PDE10A: variants seen among roughly 807,000 people sequenced by gnomAD.
PDE10A encodes the protein phosphodiesterase 10A.
Under a neutral mutation model 97.7 loss-of-function variants are expected in PDE10A, and 39 were observed. The ratio of observed to expected loss-of-function variants is 0.40; its 90% CI spans 0.31 to 0.52. The LOEUF (loss-of-function observed/expected upper bound fraction) is 0.52, where lower values mean the gene tolerates loss of function less well. Ranked by LOEUF, PDE10A falls within the 20% of genes least tolerant of loss-of-function variation. PDE10A has a pLI of 0.56. For synonymous variants in PDE10A, 371 were observed against 376.8 expected (o/e 0.98, Z 0.18); for missense variants, 731 against 1,047.8 (o/e 0.70, Z 4.17).
intron 1 of PDE10A, among the ~76,000 whole-genome samples, chr6:165,604,559 T>A (rs1787120213): frequency 6.7e-6 from 1 of 150,230 alleles, no homozygotes; most frequent in South Asian, 2.1e-4. Context: ...GTCAAAAGCA[T>A]GCAGAGATAG....
chr6:165,875,542 C>A (rs187436138), intron 1 of PDE10A, among the ~76,000 whole-genome samples: 1 of 152,258 alleles, frequency 6.6e-6, no homozygotes, highest in Admixed American at 6.5e-5. Context: ...TAACACAAGA[C>A]AAAACCATTG....
chr6:165,653,517 G>C (rs546686713), intron 1 of PDE10A, among the ~76,000 whole-genome samples: 1 of 152,320 alleles, frequency 6.6e-6, no homozygotes, highest in East Asian at 1.9e-4. Context: ...TGAGGAAGTG[G>C]AGAGAGACAG....
chr6:165,379,247 C>T lies in PDE10A; in HGVS notation c.2730G>A (p.Gln910=), dbSNP rs774374060. The change falls in exon 18 of 22, where the codon CAG becomes CAA. Residue 910 remains glutamine, a synonymous_variant. Transcript: ENST00000539869. ...ATCCGGTCTGGTACATCTCTTCCAACTGCTTCCTGTTTCCAAAGTATAAAG... is the reference window on the plus strand; with the variant it reads ...ATCCGGTCTGGTACATCTCTTCCAATTGCTTCCTGTTTCCAAAGTATAAAG... ...DLALYFGNRK[Q]LEEMYQTGSL... The T allele has an allele frequency of 1.2e-5, 19 of 1,613,754 alleles. 1 individual carries two copies. Among genetic ancestry groups the T allele is most frequent in the South Asian group, 9.9e-5 (9 of 91,056 alleles).
At chr6:165,715,495 G>C (rs73028197) in intron 1 of PDE10A, among the ~76,000 whole-genome samples, 1 of 152,024 alleles carries the variant, frequency 6.6e-6, no homozygotes, top group Non-Finnish European at 1.5e-5. Context: ...TTGGGTCGGC[G>C]AAAAGACCAC....
intron 1 of PDE10A, among the ~76,000 whole-genome samples, chr6:165,592,583 A>T (rs1467914082): frequency 6.6e-6 from 1 of 152,254 alleles, no homozygotes; most frequent in Non-Finnish European, 1.5e-5. Context: ...AGAATCTACA[A>T]GGAATTTAAA....
At chr6:165,640,866 T>C (rs368876439) in intron 1 of PDE10A, among the ~76,000 whole-genome samples, 90 of 152,396 alleles carry the variant, frequency 5.9e-4, no homozygotes, top group African/African-American at 2.1e-3. Context: ...TAATTTTGCA[T>C]TGGCTGTTAC....
intron 12 of PDE10A, 106 bp from the exon 13 acceptor site, chr6:165,413,793 C>A: frequency 1.2e-6 from 1 of 810,418 alleles, no homozygotes; most frequent in Non-Finnish European, 2.0e-6. Flanking sequence ...TTTACATATG[C>A]TTCTATTGCA....
intron 19 of PDE10A, among the ~76,000 whole-genome samples, chr6:165,340,607 A>G (rs1781914649): frequency 6.6e-6 from 1 of 152,244 alleles, no homozygotes; most frequent in Admixed American, 6.5e-5. Flanking sequence ...TTTTTAAACA[A>G]ACGATGATTT....
intron 1 of PDE10A, among the ~76,000 whole-genome samples, chr6:165,841,690 C>A (rs1780266073): frequency 6.6e-6 from 1 of 152,160 alleles, no homozygotes; most frequent in African/African-American, 2.4e-5. Flanking sequence ...GGAAAAAGAC[C>A]CCATGGGGGA....
chr6:165,657,968 C>G (rs1790049457), intron 1 of PDE10A, among the ~76,000 whole-genome samples: 1 of 152,094 alleles, frequency 6.6e-6, no homozygotes, highest in Non-Finnish European at 1.5e-5. Flanking sequence ...TTTGGGGTAC[C>G]TGTTATCATT....
rs1395811831 is a variant in PDE10A, at chr6:165,655,135, G to A, written c.865+6812C>T. Among the ~76,000 whole-genome samples, 1 of 152,144 alleles carries A rather than the reference G, an allele frequency of 6.6e-6. No homozygotes were observed. Among genetic ancestry groups the A allele is most frequent in the Non-Finnish European group, 1.5e-5 (1 of 68,028 alleles). ...AGGCACTTACATTGCACCCAGCTAT[G>A]GTTGATTAACCAACTCCGTCTGTAT... On this transcript the variant is annotated intron_variant, in intron 1 of 21. Coordinates refer to ENST00000539869, the MANE Select transcript of PDE10A (RefSeq NM_001385079.1). This position sits in a 1 kb window ranked among gnomAD's most constrained non-coding sequence, Gnocchi z 4.5.
chr6:165,839,976 C>CATTT (rs1562762771), intron 1 of PDE10A, among the ~76,000 whole-genome samples: 98 of 7,218 alleles, frequency 0.014, no homozygotes, highest in Non-Finnish European at 0.017. Flanking sequence ...TGTCTTCATC[C>CATTT]CCATCCCCAT....
At chr6:165,384,669 T>G (rs1466799843) in intron 17 of PDE10A, among the ~76,000 whole-genome samples, 2 of 47,934 alleles carry the variant, frequency 4.2e-5, no homozygotes, top group African/African-American at 2.6e-4. Context: ...TGTGTGTGTG[T>G]ATGGGGGGGG....
chr6:165,974,048 A>G (rs999025340), intron 1 of PDE10A, among the ~76,000 whole-genome samples: 10 of 152,334 alleles, frequency 6.6e-5, no homozygotes, highest in Non-Finnish European at 1.0e-4. Context: ...ATAATGCTAA[A>G]CATATCAATT....
intron 1 of PDE10A, among the ~76,000 whole-genome samples, chr6:165,603,436 C>A (rs746314790): frequency 6.6e-6 from 1 of 152,216 alleles, no homozygotes; most frequent in Non-Finnish European, 1.5e-5. Flanking sequence ...AATGACACTT[C>A]TAACAACTCA....
chr6:165,453,580 C>T (rs1302276356), intron 3 of PDE10A, among the ~76,000 whole-genome samples: 2 of 152,228 alleles, frequency 1.3e-5, no homozygotes, highest in African/African-American at 2.4e-5. Flanking sequence ...CATTCCTTCA[C>T]AATGTGAGCC....
At chr6:165,450,430 G>A in intron 3 of PDE10A, 68 bp from the exon 4 acceptor site, 4 of 816,176 alleles carry the variant, frequency 4.9e-6, no homozygotes, top group Non-Finnish European at 5.6e-6. Context: ...TCCTTAGTCT[G>A]TAAGACATAC....
At chr6:165,872,250 A>C (rs1781223766) in intron 1 of PDE10A, among the ~76,000 whole-genome samples, 1 of 152,202 alleles carries the variant, frequency 6.6e-6, no homozygotes, top group African/African-American at 2.4e-5. Flanking sequence ...GCGTTTAATA[A>C]ATTAAAGCAA....
At chr6:165,645,639 A>G (rs2128422319) in intron 1 of PDE10A, among the ~76,000 whole-genome samples, 1 of 152,156 alleles carries the variant, frequency 6.6e-6, no homozygotes, top group South Asian at 2.1e-4. Context: ...AGATTACCTG[A>G]GGTGAGGAGT....
Sources: allele counts gnomAD v4.1 joint callset (sites outside exome capture counted in the v4.1 genomes callset), GRCh38; gene constraint gnomAD v4.1.1; non-coding constraint Gnocchi (gnomAD v3.1); transcripts MANE v1.5; gene names NCBI Gene and HGNC (gene_info 2026-07-23, HGNC 2026-07-21).